Variants in ARHGAP24 observed in about 807,000 individuals in gnomAD.
ARHGAP24 encodes Rho GTPase activating protein 24, also known as rho GTPase-activating protein 24.
In ARHGAP24, 50 loss-of-function variants were observed where a neutral mutation model predicts 76.4. The observed-to-expected ratio is 0.65, with a 90% CI of 0.52 to 0.83. ARHGAP24 has a LOEUF of 0.83. Ranked by LOEUF, ARHGAP24 falls within the 40% of genes least tolerant of loss-of-function variation. The pLI is 0.00. For synonymous variants in ARHGAP24, 345 were observed against 323.3 expected, an observed-to-expected ratio of 1.07 and a Z score of -0.72; for missense variants, 930 against 914.2, an observed-to-expected ratio of 1.02 and a Z score of -0.22.
chr4:85,569,016 A>G (rs192703985), intron 1 of ARHGAP24, among the ~76,000 whole-genome samples: 93 of 152,352 alleles, frequency 6.1e-4, no homozygotes, highest in Admixed American at 2.6e-3. Context: ...TTGAAGTGCA[A>G]TTATGGAAGA....
At chr4:85,559,202 C>G (rs1486329365) in intron 1 of ARHGAP24, among the ~76,000 whole-genome samples, 1 of 152,160 alleles carries the variant, frequency 6.6e-6, no homozygotes, top group Non-Finnish European at 1.5e-5. Context: ...CATTGCTCTC[C>G]CATCCCTTGG....
chr4:85,592,748 T>A (rs551822050), intron 2 of ARHGAP24, among the ~76,000 whole-genome samples: 1 of 152,356 alleles, frequency 6.6e-6, no homozygotes, highest in Admixed American at 6.5e-5. Context: ...AAAGTTTGTC[T>A]TTCTGTTCCT....
intron 2 of ARHGAP24, among the ~76,000 whole-genome samples, chr4:85,625,983 T>A (rs1196025891): frequency 2.6e-5 from 4 of 152,320 alleles, no homozygotes; most frequent in South Asian, 2.1e-4. Context: ...TGAGATGGGT[T>A]TCCTGAATAC....
At chr4:85,707,973 A>G (rs1279280333) in intron 2 of ARHGAP24, among the ~76,000 whole-genome samples, 2 of 152,118 alleles carry the variant, frequency 1.3e-5, no homozygotes, top group African/African-American at 4.8e-5. Flanking sequence ...GGTAGGTGGC[A>G]TAATGATCTG....
rs1013039008 is a variant in ARHGAP24, at chr4:85,782,073, A to G, written c.268+60101A>G. On this transcript the variant is annotated intron_variant, in intron 3 of 9. Coordinates refer to ENST00000395184, the MANE Select transcript of ARHGAP24 (RefSeq NM_001025616.3). The stretch of plus-strand genomic sequence containing the variant: ...AAAAGAAAAAAAAAAGAAAAAAAAA[A>G]CAATTGTCTAGAAATTGTGCTTATT... Among the ~76,000 whole-genome samples, 565 of 146,610 alleles carry G rather than the reference A, an allele frequency of 3.9e-3. 39 individuals are homozygous for G. The East Asian group carries it at 0.11, about 27-fold the overall frequency.
At chr4:85,591,103 G>A (rs1728088973) in intron 2 of ARHGAP24, among the ~76,000 whole-genome samples, 2 of 126,052 alleles carry the variant, frequency 1.6e-5, no homozygotes, top group Admixed American at 1.0e-4. Flanking sequence ...GGTGTGCAAT[G>A]GCACAATTTC....
chr4:85,710,411 A>G (rs1278762482), intron 2 of ARHGAP24, among the ~76,000 whole-genome samples: 1 of 152,198 alleles, frequency 6.6e-6, no homozygotes, highest in Non-Finnish European at 1.5e-5. Context: ...CATTCTGGAC[A>G]TAGGAATAGG....
At chr4:85,665,556 T>G (rs945871335) in intron 2 of ARHGAP24, among the ~76,000 whole-genome samples, 12 of 152,186 alleles carry the variant, frequency 7.9e-5, no homozygotes, top group East Asian at 1.9e-4. Flanking sequence ...ATCCTGTCAT[T>G]ATGATGTTAG....
chr4:85,905,785 C>T (rs569234203), intron 3 of ARHGAP24, among the ~76,000 whole-genome samples: 88 of 152,232 alleles, frequency 5.8e-4, no homozygotes, highest in Middle Eastern at 3.4e-3. Context: ...TTCTCCCACC[C>T]CCATATTTAA....
chr4:85,481,916 T>G (rs1342114880), intron 1 of ARHGAP24, among the ~76,000 whole-genome samples: 1 of 152,206 alleles, frequency 6.6e-6, no homozygotes, highest in Non-Finnish European at 1.5e-5. Context: ...GAATGGGATT[T>G]CAAAGCCAGT....
intron 3 of ARHGAP24, among the ~76,000 whole-genome samples, chr4:85,802,024 A>G (rs956531935): frequency 3.3e-5 from 5 of 152,256 alleles, no homozygotes; most frequent in Non-Finnish European, 5.9e-5. Flanking sequence ...TGTGCCGTGT[A>G]TGTAACAAGT....
chr4:85,742,853 A>G (rs916579199), intron 3 of ARHGAP24, among the ~76,000 whole-genome samples: 4 of 152,236 alleles, frequency 2.6e-5, no homozygotes, highest in Non-Finnish European at 4.4e-5. Flanking sequence ...CACATAGGTT[A>G]TAAGCAACAG....
At chr4:85,918,909 G>A (rs17402907) in intron 3 of ARHGAP24, among the ~76,000 whole-genome samples, 1,763 of 152,152 alleles carry the variant, frequency 0.012, 22 homozygotes, top group Admixed American at 0.022. Context: ...ACTACTTTCC[G>A]ACATGTGTTA....
At chr4:85,604,879 A>AT (rs1720141635) in intron 2 of ARHGAP24, among the ~76,000 whole-genome samples, 1 of 149,196 alleles carries the variant, frequency 6.7e-6, no homozygotes, top group South Asian at 2.1e-4. Flanking sequence ...CACCCAGCTA[A>AT]TTTTTTGTAT....
At chr4:85,972,386 A>T in intron 6 of ARHGAP24, 2 of 587,142 alleles carry the variant, frequency 3.4e-6, no homozygotes, top group Non-Finnish European at 5.9e-6. Context: ...AATAAATTAA[A>T]TCAGCACGAC....
intron 2 of ARHGAP24, among the ~76,000 whole-genome samples, chr4:85,579,991 A>G (rs141701808): frequency 5.3e-5 from 8 of 152,288 alleles, no homozygotes; most frequent in Non-Finnish European, 1.2e-4. Context: ...TGACTGTGTC[A>G]TATGGTAACT....
In ARHGAP24 at chr4:85,808,288, G is replaced by A. The variant is rs147152642; in HGVS notation, c.268+86316G>A. On this transcript the variant is annotated intron_variant, in intron 3 of 9. Transcript: ENST00000395184. ...TTGGCATTCTAACGTACTATCTAGA[G>A]AGATGTTAACTTACTTTTCAACTCC... Among the ~76,000 whole-genome samples the A allele has an allele frequency of 7.6e-3, 1,157 of 152,266 alleles. 6 individuals carry two copies. Among genetic ancestry groups the A allele is most frequent in the Middle Eastern group, 0.01 (3 of 294 alleles).
intron 3 of ARHGAP24, among the ~76,000 whole-genome samples, chr4:85,906,614 A>G (rs980343231): frequency 8.5e-5 from 13 of 152,206 alleles, no homozygotes; most frequent in Admixed American, 3.3e-4. Context: ...AGAGCAAAAG[A>G]TGCCTGAAAA....
chr4:85,999,391 G>A (rs1375546797), intron 9 of ARHGAP24, among the ~76,000 whole-genome samples: 1 of 152,184 alleles, frequency 6.6e-6, no homozygotes, highest in Non-Finnish European at 1.5e-5. Context: ...CAAAGAGAAG[G>A]AAGATTAATT....
Sources: allele counts gnomAD v4.1 joint callset (sites outside exome capture counted in the v4.1 genomes callset), GRCh38; gene constraint gnomAD v4.1.1; transcripts MANE v1.5; gene names NCBI Gene and HGNC (gene_info 2026-07-23, HGNC 2026-07-21).